Variants in ITPR2 observed in about 807,000 individuals in gnomAD.
ITPR2 encodes the protein inositol 1,4,5-trisphosphate receptor type 2.
In ITPR2, 207 loss-of-function variants were observed where a neutral mutation model predicts 317.1. That is an observed-to-expected ratio of 0.65 (90% CI 0.58 to 0.73). The LOEUF is 0.73. ITPR2 is among the 30% of genes least tolerant of loss of function. ITPR2 has a pLI of 0.00. For missense variants in ITPR2, 2,613 were observed against 3,284.0 expected (o/e 0.80, Z 4.99); for synonymous variants, 1,156 against 1,149.1 (o/e 1.01, Z -0.12).
intron 21 of ITPR2, among the ~76,000 whole-genome samples, chr12:26,634,105 A>ACGTG (rs541480181): frequency 1.5e-4 from 23 of 152,246 alleles, no homozygotes; most frequent in Non-Finnish European, 2.9e-4. Context: ...TGCCTGTGGC[A>ACGTG]CGTGGTCGCC....
chr12:26,382,088 C>T (rs892659279), intron 55 of ITPR2, among the ~76,000 whole-genome samples: 7 of 152,146 alleles, frequency 4.6e-5, no homozygotes, highest in Non-Finnish European at 8.8e-5. Context: ...GCTCAAAGGC[C>T]ATTATCAGTA....
At chr12:26,680,914 C>T (rs1444946121) in intron 13 of ITPR2, among the ~76,000 whole-genome samples, 2 of 152,218 alleles carry the variant, frequency 1.3e-5, no homozygotes, top group Middle Eastern at 3.4e-3. Context: ...TGGTGAGTCA[C>T]GGGGTGTTTG....
chr12:26,651,761 T>C (rs1199617919), intron 21 of ITPR2, among the ~76,000 whole-genome samples: 1 of 152,202 alleles, frequency 6.6e-6, no homozygotes, highest in African/African-American at 2.4e-5. Flanking sequence ...GGATCTCTTG[T>C]TCAACATCGC....
intron 55 of ITPR2, among the ~76,000 whole-genome samples, chr12:26,382,810 A>T (rs1448216714): frequency 6.6e-6 from 1 of 152,220 alleles, no homozygotes; most frequent in East Asian, 1.9e-4. Flanking sequence ...GAAGCAATGT[A>T]TTACTTTATT....
intron 45 of ITPR2, among the ~76,000 whole-genome samples, chr12:26,464,154 T>C (rs528791516): frequency 6.6e-6 from 1 of 152,316 alleles, no homozygotes; most frequent in South Asian, 2.1e-4. Flanking sequence ...GAAAGCAATT[T>C]TTCCATGGAC....
chr12:26,505,118 A>G (rs987016376), intron 37 of ITPR2, among the ~76,000 whole-genome samples: 1 of 152,218 alleles, frequency 6.6e-6, no homozygotes, highest in Non-Finnish European at 1.5e-5. Context: ...TTAATGCTTT[A>G]TAGCTAAAAT....
At chr12:26,667,373 T>A (rs1348935166) in intron 13 of ITPR2, among the ~76,000 whole-genome samples, 8 of 152,232 alleles carry the variant, frequency 5.3e-5, no homozygotes, top group Non-Finnish European at 1.0e-4. Context: ...CCAGGGATCA[T>A]AAACTCCATT....
chr12:26,439,091 T>C, intron 47 of ITPR2, 36 bp downstream of exon 47: 2 of 1,334,776 alleles, frequency 1.5e-6, no homozygotes, highest in Non-Finnish European at 2.1e-6. Context: ...TCTACCACTA[T>C]GCACAAAACT....
Position 26,596,901 on chromosome 12 carries a change from A to G in ITPR2, c.4236T>C (p.His1412=). The G allele has an allele frequency of 1.3e-6, 2 of 1,555,764 alleles. No homozygotes were observed. The highest frequency in any genetic ancestry group is 1.7e-6 in the Non-Finnish European group (2 of 1,150,330). The stretch of plus-strand genomic sequence containing the variant: ...GGCTTACCTCAGGGATGCAGTCGTC[A>G]TGGGTCACCACCCTCACTATGTCGT... The part of the protein sequence containing the change: ...PLDDIVRVVT[H]DDCIPEVKIA... The change falls in exon 31 of 57, where the codon CAT becomes CAC. Residue 1412 remains histidine (H), a synonymous_variant. Transcript: ENST00000381340.
intron 55 of ITPR2, among the ~76,000 whole-genome samples, chr12:26,380,695 T>C (rs1186949293): frequency 6.6e-6 from 1 of 152,178 alleles, no homozygotes. Flanking sequence ...ATAACAATAA[T>C]GCAGAAATTA....
At chr12:26,614,879 AC>A (rs1946341559) in intron 26 of ITPR2, among the ~76,000 whole-genome samples, 1 of 152,352 alleles carries the variant, frequency 6.6e-6, no homozygotes, top group East Asian at 1.9e-4. Context: ...AATGGTGGAT[AC>A]ATGACATTAT....
chr12:26,619,146 G>C (rs1278596176), intron 26 of ITPR2, among the ~76,000 whole-genome samples: 1 of 152,174 alleles, frequency 6.6e-6, no homozygotes, highest in Non-Finnish European at 1.5e-5. Flanking sequence ...ACTCAGGTGA[G>C]ATATTTAGAG....
intron 10 of ITPR2, among the ~76,000 whole-genome samples, chr12:26,691,962 A>C (rs908092419): frequency 1.3e-5 from 2 of 152,044 alleles, no homozygotes; most frequent in African/African-American, 4.8e-5. Context: ...GTTCCTTAAC[A>C]AACTGCTACT....
chr12:26,575,987 G>A (rs943495182), intron 34 of ITPR2, among the ~76,000 whole-genome samples: 6 of 152,128 alleles, frequency 3.9e-5, no homozygotes, highest in African/African-American at 1.4e-4. Flanking sequence ...GGGTAGAGGA[G>A]GAGGAACAAG....
chr12:26,659,530 G>T (rs1592007290), intron 15 of ITPR2, among the ~76,000 whole-genome samples: 2 of 152,026 alleles, frequency 1.3e-5, no homozygotes, highest in Admixed American at 6.6e-5. Context: ...TATCAGTATA[G>T]GTATTTTGGA....
intron 13 of ITPR2, among the ~76,000 whole-genome samples, chr12:26,671,050 G>A (rs1947757535): frequency 6.6e-6 from 1 of 152,066 alleles, no homozygotes; most frequent in Non-Finnish European, 1.5e-5. Context: ...GGGACTATGT[G>A]AAAAGACCAA....
intron 45 of ITPR2, among the ~76,000 whole-genome samples, chr12:26,448,775 C>T (rs549430873): frequency 6.6e-6 from 1 of 152,208 alleles, no homozygotes; most frequent in South Asian, 2.1e-4. Context: ...TCAATCATGA[C>T]ACACTTGTAA....
At chr12:26,347,568 T>C (rs182374059) in intron 55 of ITPR2, among the ~76,000 whole-genome samples, 2 of 152,334 alleles carry the variant, frequency 1.3e-5, no homozygotes, top group African/African-American at 4.8e-5. Flanking sequence ...AACCAGGCTT[T>C]GACCTCCACC....
chr12:26,472,925 C>G (rs1351928656), intron 45 of ITPR2, among the ~76,000 whole-genome samples: 2 of 151,948 alleles, frequency 1.3e-5, no homozygotes, highest in African/African-American at 4.8e-5. Flanking sequence ...CTTGCTCTAT[C>G]GCCCAGGATG....
Sources: allele counts gnomAD v4.1 joint callset (sites outside exome capture counted in the v4.1 genomes callset), GRCh38; gene constraint gnomAD v4.1.1; transcripts MANE v1.5; gene names NCBI Gene and HGNC (gene_info 2026-07-23, HGNC 2026-07-21).